The following GCN1 variants were observed in gnomAD, a reference collection of about 807,000 sequenced individuals.
The protein encoded by GCN1 is stalled ribosome sensor GCN1.
Under a neutral mutation model 288.4 loss-of-function variants are expected in GCN1, and 90 were observed. That is an observed-to-expected ratio of 0.31 (90% confidence interval 0.26 to 0.37). The LOEUF (loss-of-function observed/expected upper bound fraction) is 0.37. Among genes scored for constraint, GCN1 ranks in the 10% least tolerant of loss-of-function variants. The pLI is 1.00. For synonymous variants in GCN1, 1,386 were observed against 1,420.2 expected (o/e 0.98, Z 0.54); for missense variants, 2,586 against 3,419.9 (o/e 0.76, Z 6.08).
rs775538835 is a variant in GCN1 at position 120,158,599 on chromosome 12, G to A, written c.2766C>T (p.His922=). The change falls in exon 25 of 58, where the codon CAC becomes CAT. Residue 922 remains histidine, a synonymous_variant. Transcript: ENST00000300648. This position sits in a 1 kb window ranked among gnomAD's most constrained non-coding sequence, Gnocchi z 4.3. ...CTGGCTTCAGCAGGCGCAGGGTCAC[G>A]TGGCTCACCAAAGTGCCTGTGTTGA... The part of the protein sequence containing the change: ...RLKALGTLVS[H]VTLRLLKPEC... 10 of 1,607,222 alleles carry A rather than the reference G, an allele frequency of 6.2e-6. No homozygotes were observed. Among genetic ancestry groups the A allele is most frequent in the African/African-American group, 1.3e-5 (1 of 74,820 alleles).
chr12:120,175,926 C>CT, intron 10 of GCN1, 52 bp from the exon 11 acceptor site: 1 of 1,577,176 alleles, frequency 6.3e-7, no homozygotes, highest in Non-Finnish European at 8.6e-7. Flanking sequence ...AGCATCCAGA[C>CT]TTTCGTCTTT....
chr12:120,154,352 A>T, intron 31 of GCN1, among the ~76,000 whole-genome samples: 2 of 152,232 alleles, frequency 1.3e-5, no homozygotes, highest in Admixed American at 6.5e-5. Context: ...TGGAATGAAA[A>T]ATAAGCCAGG....
intron 10 of GCN1, 103 bp from the exon 11 acceptor site, chr12:120,175,977 C>T: frequency 6.9e-7 from 1 of 1,446,332 alleles, no homozygotes; most frequent in Non-Finnish European, 9.5e-7. Context: ...TAGCTGTTTG[C>T]TCTCATTCAA....
intron 9 of GCN1, 37 bp downstream of exon 9, chr12:120,177,410 C>T (rs1477359617): frequency 9.7e-7 from 1 of 1,026,782 alleles, no homozygotes; most frequent in Non-Finnish European, 1.5e-6. Flanking sequence ...ATAGGCAACT[C>T]ATCTCCCTCC....
chr12:120,129,768 C>G (rs1435139239), intron 56 of GCN1, among the ~76,000 whole-genome samples: 1 of 152,174 alleles, frequency 6.6e-6, no homozygotes, highest in Admixed American at 6.5e-5. Context: ...CAGCTTGGGC[C>G]GTGCTTGCCC....
chr12:120,147,029 A>G (rs766415148), intron 38 of GCN1, 23 bp downstream of exon 38: 2 of 1,459,106 alleles, frequency 1.4e-6, no homozygotes, highest in South Asian at 1.4e-5. Context: ...TCTATCCCAC[A>G]CTAGCCTCAG....
At position 120,163,125 on chromosome 12, in the gene GCN1, G is replaced by A. The variant is rs773961763; in HGVS notation, c.1983C>T (p.Thr661=). The change falls in exon 19 of 58, where the codon ACC becomes ACT. Residue 661 remains threonine, a synonymous_variant. Transcript: ENST00000300648. The stretch of plus-strand genomic sequence containing the variant: ...TTTCCTGGGCCAGTTGTTCAGTGTC[G>A]GTGACATCACCCTTGAGCCCTGGCA... The part of the protein sequence containing the change: ...SGVPGLKGDV[T]DTEQLAQEML... 1.5e-5 allele frequency: 24 copies of A among 1,614,040 alleles called. No individual in the cohort carries two copies. The highest frequency in any genetic ancestry group is 4.5e-5 in the East Asian group (2 of 44,892).
intron 47 of GCN1, 95 bp downstream of exon 47, chr12:120,138,228 C>T: frequency 1.0e-6 from 1 of 967,816 alleles, no homozygotes; most frequent in East Asian, 2.4e-5. Context: ...TCCCCCAGCC[C>T]TCCAACATCT....
chr12:120,183,307 G>A (rs1254209711), intron 5 of GCN1, among the ~76,000 whole-genome samples: 1 of 152,118 alleles, frequency 6.6e-6, no homozygotes, highest in Admixed American at 6.6e-5. Flanking sequence ...TGAAATCAGG[G>A]GCCTCATTTC....
rs754466730 is a variant in GCN1, at chr12:120,129,545, T to A, written c.7672-51A>T. On this transcript the variant is annotated intron_variant, in intron 56 of 57. Coordinates refer to ENST00000300648, the MANE Select transcript of GCN1 (RefSeq NM_006836.2). ...TTTGGATAGGCATGTCATCTATTCC[T>A]TGAAGCAGCCCAAATGCCCAGCCTC... 43 of 1,369,536 alleles carry A rather than the reference T, an allele frequency of 3.1e-5. 1 individual carries two copies. The highest frequency in any genetic ancestry group is 1.2e-4 in the South Asian group (10 of 86,146). 84.8% of individuals were successfully genotyped at this position (1,369,536 alleles called of 1,614,324 possible). A position where few individuals can be genotyped will look rare whatever the true frequency, so the allele number is the denominator to read the frequency against.
intron 45 of GCN1, 22 bp downstream of exon 45, chr12:120,140,837 G>A (rs556344382): frequency 4.6e-5 from 74 of 1,609,074 alleles, no homozygotes; most frequent in East Asian, 6.7e-5. Context: ...CACAGCTGGC[G>A]GGATCCTTGG....
Position 120,155,055 on chromosome 12 carries a change from T to C in GCN1, c.3631-15A>G, listed in dbSNP as rs370921001. The stretch of plus-strand genomic sequence containing the variant: ...GGGGGCGGCCGCTGCAACAGACAAG[T>C]TGGTAAATGCTTTGCAACGGGCAGA... On this transcript the variant is annotated splice_polypyrimidine_tract_variant and intron_variant, in intron 30 of 57. Transcript: ENST00000300648. This position sits in a 1 kb window ranked among gnomAD's most constrained non-coding sequence, Gnocchi z 4.9. The C allele has an allele frequency of 6.2e-7, 1 of 1,610,894 alleles. No homozygotes were observed. The highest frequency in any genetic ancestry group is 1.7e-5 in the Admixed American group (1 of 59,982).
Position 120,137,533 on chromosome 12 carries a change from C to G in GCN1, c.6663+12G>C, listed in dbSNP as rs780543828. The G allele has an allele frequency of 3.1e-6, 5 of 1,610,616 alleles. No individual in the cohort carries two copies. In the South Asian group the frequency reaches 5.5e-5, roughly 18 times the overall value. Reference sequence around the variant, plus strand: ...AAGCAAAAGTTGGCTGTGGGGTCAGCAGTCCCCTCACCTTAGTGATGGCAT... The same window carrying G: ...AAGCAAAAGTTGGCTGTGGGGTCAGGAGTCCCCTCACCTTAGTGATGGCAT... On this transcript the variant is annotated intron_variant, in intron 49 of 57. Transcript: ENST00000300648. The surrounding 1 kb of genome is among the most constrained non-coding windows in gnomAD (Gnocchi z 5.2).
intron 14 of GCN1, among the ~76,000 whole-genome samples, chr12:120,171,811 T>C (rs1878321994): frequency 1.3e-5 from 2 of 152,218 alleles, no homozygotes; most frequent in African/African-American, 2.4e-5. Flanking sequence ...GTTTTTGCCA[T>C]CTACAATTCA....
In GCN1 at chr12:120,156,920, G is replaced by T; in HGVS notation, c.3160C>A (p.Arg1054Ser). The T allele has an allele frequency of 6.2e-7, 1 of 1,607,726 alleles. No homozygotes were observed. Among genetic ancestry groups the T allele is most frequent in the Non-Finnish European group, 8.5e-7 (1 of 1,174,292 alleles). ...LTWVIGTGSP[R>S]LQVLASDTLT... ...ACTGAAAACCACATCACCTGTAAGC[G>T]AGGCGAGCCCGTCCCGATCACCCAA... The change falls in exon 27 of 58, where the codon CGC (arginine) becomes AGC (serine). Residue 1054 changes from arginine (R) to serine (S), a missense_variant. By Grantham distance (110) the Arg-to-Ser change is moderately radical. Coordinates refer to ENST00000300648, the MANE Select transcript of GCN1 (RefSeq NM_006836.2). This position sits in a 1 kb window ranked among gnomAD's most constrained non-coding sequence, Gnocchi z 5.8.
At position 120,148,245 on chromosome 12, in the gene GCN1, A is replaced by G; in HGVS notation, c.4648T>C (p.Ser1550Pro). ...CCAGCCTTCTGGACTTTGACATGGG[A>G]GTCGGTCAGCACCTCCGTAAGCTTG... Reference protein sequence around the residue: ...VPKLTEVLTDSHVKVQKAGQQ... With the variant: ...VPKLTEVLTDPHVKVQKAGQQ... The change falls in exon 37 of 58, where the codon TCC becomes CCC. Residue 1550 changes from serine to proline, a missense_variant. Coordinates refer to ENST00000300648, the MANE Select transcript of GCN1 (RefSeq NM_006836.2). 1 of 1,614,048 alleles carries G rather than the reference A, an allele frequency of 6.2e-7. No individual in the cohort carries two copies. The highest frequency in any genetic ancestry group is 8.5e-7 in the Non-Finnish European group (1 of 1,179,928).
intron 34 of GCN1, 27 bp from the exon 35 acceptor site, chr12:120,150,070 G>T: frequency 6.2e-7 from 1 of 1,612,082 alleles, no homozygotes; most frequent in South Asian, 1.1e-5. Flanking sequence ...TGGGACGGCT[G>T]GGAAGAGAAT....
chr12:120,177,639 A>C (rs1381961646), intron 8 of GCN1, 45 bp downstream of exon 8: 1 of 1,556,920 alleles, frequency 6.4e-7, no homozygotes, highest in Non-Finnish European at 8.9e-7. Context: ...CAGAATTGAA[A>C]ATGGGATCAG....
chr12:120,169,181 A>AGCCTT (rs1163029903), intron 15 of GCN1, among the ~76,000 whole-genome samples: 7 of 149,876 alleles, frequency 4.7e-5, no homozygotes, highest in Middle Eastern at 3.5e-3. Flanking sequence ...CTGTAGTCCC[A>AGCCTT]GCCACTCGGA....
Sources: gnomAD v4.1 joint callset for allele counts (sites outside exome capture counted in the v4.1 genomes callset) on GRCh38, gnomAD v4.1.1 for gene constraint, Gnocchi (gnomAD v3.1) non-coding constraint, MANE v1.5 for transcripts, NCBI Gene and HGNC (gene_info 2026-07-23, HGNC 2026-07-21) for gene names.